The following CA13 variants were observed in gnomAD, a reference collection of about 807,000 sequenced individuals.
The protein encoded by CA13 is carbonic anhydrase 13, also known as CA-XIII.
In CA13, 21 loss-of-function variants were observed where a neutral mutation model predicts 31.5. The ratio of observed to expected loss-of-function variants is 0.67; its 90% confidence interval spans 0.47 to 0.96. The LOEUF (loss-of-function observed/expected upper bound fraction) is 0.96, where lower values mean the gene tolerates loss of function less well. Among genes scored for constraint, CA13 ranks in the 40% least tolerant of loss-of-function variants. The pLI is 0.00. For missense variants in CA13, 315 were observed against 318.9 expected (o/e 0.99, Z 0.09); for synonymous variants, 117 against 111.4 (o/e 1.05, Z -0.32).
At chr8:85,264,034 G>A (rs1807422765) in intron 3 of CA13, among the ~76,000 whole-genome samples, 1 of 152,102 alleles carries the variant, frequency 6.6e-6, no homozygotes, top group South Asian at 2.1e-4. Flanking sequence ...TTTAATTTTA[G>A]GCCTAATATG....
chr8:85,266,931 C>T (rs1587541544), intron 4 of CA13, among the ~76,000 whole-genome samples: 3 of 152,184 alleles, frequency 2.0e-5, no homozygotes, highest in East Asian at 3.8e-4. Flanking sequence ...GCAGCATCAA[C>T]ATCAAGAATA....
Position 85,260,816 on chromosome 8 carries a change from G to A in CA13, c.354+1277G>A. Among the ~76,000 whole-genome samples, 2 of 152,198 alleles carry A rather than the reference G, an allele frequency of 1.3e-5. 1 individual carries two copies. The highest frequency in any genetic ancestry group is 2.9e-5 in the Non-Finnish European group (2 of 68,046). ...GTTCTGAATATAACATGTTCTAAAT[G>A]TCCAAAGCGCCCTCGGAACTAATTA... On this transcript the variant is annotated intron_variant, in intron 3 of 6. Coordinates refer to ENST00000321764, the MANE Select transcript of CA13 (RefSeq NM_198584.3).
chr8:85,267,348 A>C, intron 4 of CA13: 2 of 958,094 alleles, frequency 2.1e-6, no homozygotes, highest in Non-Finnish European at 2.5e-6. Flanking sequence ...CGGGTGCTTT[A>C]AAACCTTCAG....
chr8:85,266,660 C>T lies in CA13; in HGVS notation c.407C>T (p.Ala136Val). 2 of 1,613,986 alleles carry T rather than the reference C, an allele frequency of 1.2e-6. No homozygotes were observed. Among genetic ancestry groups the T allele is most frequent in the Non-Finnish European group, 1.7e-6 (2 of 1,179,902 alleles). ...AAATACCCCAGCTTTGTTGAGGCAGCTCATGAACCAGATGGACTGGCTGTC... is the reference window on the plus strand; with the variant it reads ...AAATACCCCAGCTTTGTTGAGGCAGTTCATGAACCAGATGGACTGGCTGTC... Reference protein sequence around the residue: ...SDKYPSFVEAAHEPDGLAVLG... With the variant: ...SDKYPSFVEAVHEPDGLAVLG... Residue 136 changes from alanine to valine, a missense_variant, in exon 4 of 7, where the codon GCT becomes GTT. Coordinates refer to ENST00000321764, the MANE Select transcript of CA13 (RefSeq NM_198584.3).
chr8:85,276,124 G>A (rs1807601747), intron 6 of CA13, among the ~76,000 whole-genome samples: 1 of 152,204 alleles, frequency 6.6e-6, no homozygotes. Context: ...CGAGTTCCGG[G>A]TGGGCGTGGG....
intron 2 of CA13, among the ~76,000 whole-genome samples, chr8:85,252,856 T>C (rs564978411): frequency 1.3e-5 from 2 of 152,336 alleles, no homozygotes; most frequent in African/African-American, 4.8e-5. Context: ...CTTGTATTTA[T>C]GTAAAGCCTT....
chr8:85,274,293 G>A (rs1009994373), intron 6 of CA13, among the ~76,000 whole-genome samples: 6 of 152,192 alleles, frequency 3.9e-5, no homozygotes, highest in Non-Finnish European at 5.9e-5. Flanking sequence ...CTTGAGAGAC[G>A]GGTTTGTATC....
At chr8:85,251,731 CAT>C (rs577250145) in intron 2 of CA13, among the ~76,000 whole-genome samples, 232 of 152,236 alleles carry the variant, frequency 1.5e-3, no homozygotes, top group Non-Finnish European at 2.7e-3. Context: ...AATATGGAAA[CAT>C]ATAACAAATA....
At position 85,267,978 on chromosome 8, in the gene CA13, C is replaced by T; in HGVS notation, c.513+14C>T. 5 of 1,466,366 alleles carry T rather than the reference C, an allele frequency of 3.4e-6. No individual in the cohort carries two copies. The highest frequency in any genetic ancestry group is 4.8e-6 in the Non-Finnish European group (5 of 1,052,040). The allele number at this position is 1,466,366 out of a possible 1,614,324, so 90.8% of individuals were successfully genotyped here. On this transcript the variant is annotated intron_variant, in intron 5 of 6. Transcript: ENST00000321764. Reference sequence around the variant, plus strand: ...ATTAAAGAAAAGGTAAAATGAATTACTGTTAATAATTAACATATTTCTTGT... The same window carrying T: ...ATTAAAGAAAAGGTAAAATGAATTATTGTTAATAATTAACATATTTCTTGT...
chr8:85,276,182 GGGCA>G (rs1285802640), intron 6 of CA13, among the ~76,000 whole-genome samples: 1 of 152,150 alleles, frequency 6.6e-6, no homozygotes, highest in African/African-American at 2.4e-5. Flanking sequence ...CGCGGACCCC[GGGCA>G]GTTAGGGGCT....
intron 3 of CA13, among the ~76,000 whole-genome samples, chr8:85,260,260 A>G (rs558391226): frequency 6.6e-6 from 1 of 152,328 alleles, no homozygotes; most frequent in Non-Finnish European, 1.5e-5. Context: ...AACAAAGCAT[A>G]ATAAGCTTCA....
chr8:85,279,409 T>A (rs1807664249), intron 6 of CA13, among the ~76,000 whole-genome samples: 1 of 152,076 alleles, frequency 6.6e-6, no homozygotes, highest in Admixed American at 6.5e-5. Context: ...AAATACAGGG[T>A]CGACCTAGCT....
chr8:85,246,638 A>T (rs1458265012), intron 1 of CA13: 6 of 377,638 alleles, frequency 1.6e-5, no homozygotes, highest in African/African-American at 6.3e-5. Context: ...ATCACACATT[A>T]TCAAAAGTAA....
At chr8:85,262,734 G>A (rs1807401437) in intron 3 of CA13, among the ~76,000 whole-genome samples, 1 of 152,140 alleles carries the variant, frequency 6.6e-6, no homozygotes, top group Non-Finnish European at 1.5e-5. Flanking sequence ...GGGGAGCTTT[G>A]GAGGAAACTT....
chr8:85,248,773 T>C (rs1471303427), intron 1 of CA13, among the ~76,000 whole-genome samples: 2 of 152,202 alleles, frequency 1.3e-5, no homozygotes, highest in East Asian at 3.8e-4. Flanking sequence ...TATAAATGAC[T>C]GGAAATAGGA....
intron 6 of CA13, among the ~76,000 whole-genome samples, chr8:85,276,114 C>G (rs1025673351): frequency 6.6e-6 from 1 of 151,538 alleles, no homozygotes; most frequent in Non-Finnish European, 1.5e-5. Context: ...CGGGCCAGCA[C>G]GAGTTCCGGG....
chr8:85,271,668 ACT>A (rs907510027), intron 6 of CA13, among the ~76,000 whole-genome samples: 24 of 152,196 alleles, frequency 1.6e-4, no homozygotes, highest in Admixed American at 6.5e-4. Context: ...AAAGAAAAAA[ACT>A]CTTTTTTGTT....
chr8:85,258,019 T>C (rs1207099626), intron 2 of CA13, among the ~76,000 whole-genome samples: 1 of 147,998 alleles, frequency 6.8e-6, no homozygotes, highest in Non-Finnish European at 1.5e-5. Flanking sequence ...CATATTAAAT[T>C]TATATAAATA....
intron 1 of CA13, chr8:85,249,872 G>A: frequency 2.2e-6 from 1 of 444,980 alleles, no homozygotes. Context: ...ACTTTATAGA[G>A]TCTTCCAAAG....
Sources: gnomAD v4.1 joint callset for allele counts (sites outside exome capture counted in the v4.1 genomes callset) on GRCh38, gnomAD v4.1.1 for gene constraint, MANE v1.5 for transcripts, NCBI Gene and HGNC (gene_info 2026-07-23, HGNC 2026-07-21) for gene names.